The following ANXA3 variants were observed in gnomAD, a reference collection of about 807,000 sequenced individuals.
ANXA3 encodes 35-alpha calcimedin.
Under a neutral mutation model 48.8 loss-of-function variants are expected in ANXA3, and 46 were observed. That is an observed-to-expected ratio of 0.94 (90% CI 0.74 to 1.21). The LOEUF (loss-of-function observed/expected upper bound fraction) is 1.21. Ranked by LOEUF, ANXA3 falls within the 50% of genes most tolerant of loss-of-function variation. The pLI is 0.00. For synonymous variants in ANXA3, 128 were observed against 134.7 expected, an observed-to-expected ratio of 0.95 and a Z score of 0.35; for missense variants, 383 against 378.6, an observed-to-expected ratio of 1.01 and a Z score of -0.10.
chr4:78,578,975 A>G (rs375919538), intron 3 of ANXA3, 52 bp from the exon 4 acceptor site: 2 of 1,263,724 alleles, frequency 1.6e-6, no homozygotes, highest in Admixed American at 1.8e-5. Flanking sequence ...GCTTTTGTTC[A>G]AGACAAATGT....
intron 6 of ANXA3, among the ~76,000 whole-genome samples, chr4:78,590,269 C>A (rs542083027): frequency 2.6e-5 from 4 of 152,244 alleles, no homozygotes; most frequent in South Asian, 2.1e-4. Context: ...ATGATGCCTA[C>A]TAAATATTAT....
chr4:78,573,994 T>G (rs1415144148), intron 3 of ANXA3, among the ~76,000 whole-genome samples: 3 of 152,212 alleles, frequency 2.0e-5, no homozygotes, highest in African/African-American at 7.2e-5. Context: ...AACAGTTTCC[T>G]TTTGCTAGTC....
At chr4:78,564,485 A>G (rs1284116294) in intron 2 of ANXA3, among the ~76,000 whole-genome samples, 1 of 152,234 alleles carries the variant, frequency 6.6e-6, no homozygotes, top group Non-Finnish European at 1.5e-5. Context: ...ACAGTTATGT[A>G]TTAAGCCCCT....
intron 2 of ANXA3, among the ~76,000 whole-genome samples, chr4:78,557,642 GA>G (rs1318124186): frequency 2.0e-5 from 3 of 151,676 alleles, no homozygotes; most frequent in Admixed American, 6.6e-5. Flanking sequence ...CACACGTGGA[GA>G]AAGAGGCCCT....
intron 2 of ANXA3, 151 bp from the exon 3 acceptor site, chr4:78,573,029 A>G: frequency 1.3e-6 from 1 of 754,502 alleles, no homozygotes; most frequent in Non-Finnish European, 2.4e-6. Context: ...TAATTTTCCA[A>G]AGGCAATTTC....
At chr4:78,576,497 A>G (rs987655214) in intron 3 of ANXA3, among the ~76,000 whole-genome samples, 26 of 152,068 alleles carry the variant, frequency 1.7e-4, no homozygotes, top group African/African-American at 6.3e-4. Context: ...GGGTCTTGCT[A>G]TGTTGCCCAC....
At chr4:78,599,690 C>T (rs1329772376) in intron 10 of ANXA3, among the ~76,000 whole-genome samples, 1 of 151,980 alleles carries the variant, frequency 6.6e-6, no homozygotes, top group African/African-American at 2.4e-5. Flanking sequence ...TGAGACTGTT[C>T]CAATGGCAAT....
Position 78,595,900 on chromosome 4 carries a change from AT to A in ANXA3, c.634+15del. ...CAATTAAAACTAAGTACAAACTCAC[AT>A]TACAATCCTTTGTGTTGTATGTTGT... On this transcript the variant is annotated intron_variant, in intron 9 of 12. Coordinates refer to ENST00000264908, the MANE Select transcript of ANXA3 (RefSeq NM_005139.3). 6.7e-7 allele frequency: 1 copy of A among 1,494,142 alleles called. No individual in the cohort carries two copies. The highest frequency in any genetic ancestry group is 9.3e-7 in the Non-Finnish European group (1 of 1,072,348). 92.6% of individuals were successfully genotyped at this position (1,494,142 alleles called of 1,614,324 possible).
At chr4:78,589,867 T>C (rs913933919) in intron 6 of ANXA3, among the ~76,000 whole-genome samples, 1 of 152,220 alleles carries the variant, frequency 6.6e-6, no homozygotes, top group African/African-American at 2.4e-5. Flanking sequence ...TCTAAATTCT[T>C]AACTTTTTTC....
At chr4:78,554,589 T>A (rs1722471375) in intron 2 of ANXA3, 101 bp downstream of exon 2, 4 of 1,008,874 alleles carry the variant, frequency 4.0e-6, no homozygotes, top group African/African-American at 1.6e-5. Flanking sequence ...AGTTTTTAAG[T>A]TTATCTGGCA....
intron 3 of ANXA3, 85 bp downstream of exon 3, chr4:78,573,352 C>A: frequency 2.0e-6 from 2 of 981,552 alleles, no homozygotes; most frequent in Non-Finnish European, 3.2e-6. Flanking sequence ...CTCAGATTGG[C>A]TTACTCAATT....
intron 10 of ANXA3, among the ~76,000 whole-genome samples, chr4:78,599,858 G>A (rs745658279): frequency 3.0e-4 from 45 of 152,068 alleles, no homozygotes; most frequent in Non-Finnish European, 6.2e-4. Context: ...CCAGGAGGTC[G>A]AGGCTCCAGT....
chr4:78,571,579 A>G (rs577275886), intron 2 of ANXA3, among the ~76,000 whole-genome samples: 2 of 152,204 alleles, frequency 1.3e-5, no homozygotes, highest in African/African-American at 4.8e-5. Context: ...AAGAGAGCCA[A>G]AATGAACCCA....
chr4:78,595,284 T>A, intron 7 of ANXA3, 97 bp from the exon 8 acceptor site: 1 of 1,364,626 alleles, frequency 7.3e-7, no homozygotes, highest in Non-Finnish European at 1.0e-6. Flanking sequence ...TGTCCTGCCT[T>A]AAAGAAAAAC....
At chr4:78,554,945 C>G (rs1038865060) in intron 2 of ANXA3, among the ~76,000 whole-genome samples, 1 of 152,214 alleles carries the variant, frequency 6.6e-6, no homozygotes, top group Non-Finnish European at 1.5e-5. Flanking sequence ...GTGGCTCACA[C>G]CTGTAATCCT....
At chr4:78,565,157 T>C (rs1323169160) in intron 2 of ANXA3, among the ~76,000 whole-genome samples, 4 of 151,982 alleles carry the variant, frequency 2.6e-5, no homozygotes, top group Non-Finnish European at 5.9e-5. Flanking sequence ...CCACGCCTGG[T>C]TAAATTTTGT....
intron 10 of ANXA3, among the ~76,000 whole-genome samples, chr4:78,597,746 G>A (rs1723450999): frequency 6.6e-6 from 1 of 151,978 alleles, no homozygotes; most frequent in African/African-American, 2.4e-5. Flanking sequence ...CCAAGTAGCT[G>A]AGACAACAAG....
chr4:78,587,821 C>T (rs12509033), intron 6 of ANXA3, among the ~76,000 whole-genome samples: 98,698 of 152,082 alleles, frequency 0.65, 32,466 homozygotes, highest in East Asian at 0.87. Flanking sequence ...GGGCCGGGTG[C>T]GGTGACTCAC....
intron 7 of ANXA3, 25 bp downstream of exon 7, chr4:78,591,648 AACTCC>A: frequency 1.3e-6 from 2 of 1,528,788 alleles, no homozygotes; most frequent in Non-Finnish European, 9.1e-7. Flanking sequence ...TTTATTTTTT[AACTCC>A]CCAGTAAGCT....
Sources: allele counts gnomAD v4.1 joint callset (sites outside exome capture counted in the v4.1 genomes callset), GRCh38; gene constraint gnomAD v4.1.1; transcripts MANE v1.5; gene names NCBI Gene and HGNC (gene_info 2026-07-23, HGNC 2026-07-21).